CHD9: variants seen among roughly 807,000 people sequenced by gnomAD.
The protein encoded by CHD9 is ATP-dependent chromatin remodeler CHD9.
CHD9 carries 77 observed loss-of-function variants against 316.1 expected under a neutral mutation model. That is an observed-to-expected ratio of 0.24 (90% CI 0.20 to 0.29). CHD9 has a LOEUF of 0.29. Ranked by LOEUF, CHD9 falls within the 10% of genes least tolerant of loss-of-function variation. The pLI is 1.00. For synonymous variants in CHD9, 1,129 were observed against 1,158.3 expected (o/e 0.97, Z 0.51); for missense variants, 2,763 against 3,438.1 (o/e 0.80, Z 4.91).
chr16:53,297,583 C>T (rs2054916502), intron 30 of CHD9, among the ~76,000 whole-genome samples: 1 of 152,174 alleles, frequency 6.6e-6, no homozygotes, highest in South Asian at 2.1e-4. Context: ...GAAAAGATCT[C>T]CCAGGGCCAT....
At chr16:53,078,720 AC>A (rs2034765809) in intron 1 of CHD9, among the ~76,000 whole-genome samples, 1 of 151,990 alleles carries the variant, frequency 6.6e-6, no homozygotes, top group South Asian at 2.1e-4. Flanking sequence ...TCCCTTAAAG[AC>A]CCTTACTGCT....
intron 2 of CHD9, among the ~76,000 whole-genome samples, chr16:53,170,944 A>T (rs540246749): frequency 1.6e-4 from 24 of 152,148 alleles, no homozygotes; most frequent in Non-Finnish European, 3.5e-4. Context: ...GGCCCATATA[A>T]CAAATATGCA....
At chr16:53,291,101 CAA>C (rs1043364526) in intron 27 of CHD9, among the ~76,000 whole-genome samples, 2 of 152,064 alleles carry the variant, frequency 1.3e-5, no homozygotes, top group East Asian at 3.9e-4. Flanking sequence ...ATACACCAAA[CAA>C]AGAGAAGATA....
intron 1 of CHD9, among the ~76,000 whole-genome samples, chr16:53,058,044 T>C (rs1237831217): frequency 3.3e-5 from 5 of 152,214 alleles, no homozygotes; most frequent in Non-Finnish European, 2.9e-5. Context: ...TGAGTTATAG[T>C]GCAGTTGGCT....
intron 1 of CHD9, among the ~76,000 whole-genome samples, chr16:53,094,612 T>C (rs2036228065): frequency 6.6e-6 from 1 of 151,550 alleles, no homozygotes; most frequent in Admixed American, 6.6e-5. Context: ...TTCATACCAG[T>C]CCCAAGAGCA....
At chr16:53,061,310 C>T (rs144147184) in intron 1 of CHD9, among the ~76,000 whole-genome samples, 61 of 152,288 alleles carry the variant, frequency 4.0e-4, no homozygotes, top group African/African-American at 1.3e-3. Flanking sequence ...TGATTTGAGT[C>T]TTTACCTGAC....
chr16:53,261,359 CTTTTTTTTT>C (rs1195811638), intron 19 of CHD9, among the ~76,000 whole-genome samples: 1 of 61,880 alleles, frequency 1.6e-5, no homozygotes, highest in Non-Finnish European at 3.0e-5. Flanking sequence ...GTGTTTTAGA[CTTTTTTTTT>C]TTTTTTTTTT....
intron 32 of CHD9, 74 bp downstream of exon 32, chr16:53,306,471 T>C: frequency 1.6e-6 from 2 of 1,254,244 alleles, no homozygotes; most frequent in East Asian, 5.6e-5. Flanking sequence ...GTAGATATTC[T>C]TACTATGTGG....
chr16:53,211,770 G>A (rs1296304262), intron 3 of CHD9, among the ~76,000 whole-genome samples: 2 of 152,132 alleles, frequency 1.3e-5, no homozygotes, highest in African/African-American at 4.8e-5. Flanking sequence ...TTATTGTCAT[G>A]TTGGAGGAAA....
chr16:53,100,444 CTCAT>C (rs2036755502), intron 1 of CHD9, among the ~76,000 whole-genome samples: 2 of 131,914 alleles, frequency 1.5e-5, no homozygotes, highest in Admixed American at 1.5e-4. Flanking sequence ...TGAATTTAGA[CTCAT>C]TCGTCTTTTT....
intron 32 of CHD9, 53 bp from the exon 33 acceptor site, chr16:53,307,628 A>G: frequency 6.7e-7 from 1 of 1,493,496 alleles, no homozygotes; most frequent in Non-Finnish European, 9.0e-7. Flanking sequence ...TTTGATCTCC[A>G]AAGGTCTGAT....
At chr16:53,252,179 G>C (rs2050183044) in intron 17 of CHD9, among the ~76,000 whole-genome samples, 1 of 152,124 alleles carries the variant, frequency 6.6e-6, no homozygotes, top group East Asian at 1.9e-4. Context: ...CATCAAAACA[G>C]CATGGTACTG....
Position 53,318,359 on chromosome 16 carries a change from C to T in CHD9, c.7713+19C>T, listed in dbSNP as rs1187248649. On this transcript the variant is annotated intron_variant, in intron 37 of 38. Transcript: ENST00000447540. ...TAGAAAGGTATTTTAATGTTTTTTT[C>T]TTAATCTTTTGTATTGATTCAATAT... 6.4e-7 allele frequency: 1 copy of T among 1,574,382 alleles called. No homozygotes were observed. Among genetic ancestry groups the T allele is most frequent in the African/African-American group, 1.4e-5 (1 of 73,064 alleles).
At chr16:53,270,620 C>G (rs948742139) in intron 22 of CHD9, among the ~76,000 whole-genome samples, 1 of 151,944 alleles carries the variant, frequency 6.6e-6, no homozygotes, top group Non-Finnish European at 1.5e-5. Flanking sequence ...GATAATGGGA[C>G]TGTTGTATAT....
rs1390276687 is a variant in CHD9 at position 53,072,361 on chromosome 16, T to A, written c.-165+17284T>A. On this transcript the variant is annotated intron_variant, in intron 1 of 38. Transcript: ENST00000447540. ...AATTGGGATCCCTGCAATATTTTTTTCCAATTTAAAAAATACATGTAAAAT... is the reference window on the plus strand; with the variant it reads ...AATTGGGATCCCTGCAATATTTTTTACCAATTTAAAAAATACATGTAAAAT... Among the ~76,000 whole-genome samples the A allele has an allele frequency of 2.0e-5, 3 of 151,558 alleles. No homozygotes were observed. The East Asian group carries it at 5.8e-4, about 29-fold the overall frequency.
intron 27 of CHD9, among the ~76,000 whole-genome samples, chr16:53,289,761 G>A (rs2054176755): frequency 6.6e-6 from 1 of 152,156 alleles, no homozygotes; most frequent in South Asian, 2.1e-4. Flanking sequence ...ATCCCTATCA[G>A]TGCCAAGATC....
chr16:53,242,104 A>G (rs1311292241), intron 12 of CHD9, among the ~76,000 whole-genome samples: 2 of 152,188 alleles, frequency 1.3e-5, no homozygotes, highest in African/African-American at 4.8e-5. Flanking sequence ...TCTAGGTATC[A>G]ACATGACTTC....
intron 2 of CHD9, among the ~76,000 whole-genome samples, chr16:53,175,162 T>C (rs533633556): frequency 6.6e-6 from 1 of 152,266 alleles, no homozygotes; most frequent in South Asian, 2.1e-4. Context: ...TCACGGACAA[T>C]TGCTGATCAC....
intron 1 of CHD9, among the ~76,000 whole-genome samples, chr16:53,097,399 CCTT>C (rs2036478798): frequency 2.0e-5 from 3 of 150,824 alleles, no homozygotes; most frequent in Admixed American, 6.6e-5. Flanking sequence ...TTCCTTCCTT[CCTT>C]CCTTCTTTCT....
Sources: gnomAD v4.1 joint callset for allele counts (sites outside exome capture counted in the v4.1 genomes callset) on GRCh38, gnomAD v4.1.1 for gene constraint, MANE v1.5 for transcripts, NCBI Gene and HGNC (gene_info 2026-07-23, HGNC 2026-07-21) for gene names.